The following ARHGAP6 variants were observed in gnomAD, a reference collection of about 807,000 sequenced individuals.
The protein encoded by ARHGAP6 is Rho GTPase activating protein 6.
In ARHGAP6, 16 loss-of-function variants were observed where a neutral mutation model predicts 55.7. The ratio of observed to expected loss-of-function variants is 0.29; its 90% CI spans 0.19 to 0.44. The LOEUF is 0.44. ARHGAP6 is among the 20% of genes least tolerant of loss of function. The pLI is 1.00. For synonymous variants in ARHGAP6, 382 were observed against 360.9 expected (o/e 1.06, Z -0.66); for missense variants, 698 against 808.9 (o/e 0.86, Z 1.66).
At chrX:11,327,368 C>T (rs750307003) in intron 1 of ARHGAP6, among the ~76,000 whole-genome samples, 16 of 112,611 alleles carry the variant, frequency 1.4e-4, no homozygotes, top group African/African-American at 5.1e-4. Context: ...AAAACATATT[C>T]GTCATTCACT....
intron 1 of ARHGAP6, among the ~76,000 whole-genome samples, chrX:11,378,913 T>C (rs747024811): frequency 1.8e-5 from 2 of 112,946 alleles, no homozygotes; most frequent in East Asian, 5.5e-4. Context: ...AACATGTTGA[T>C]AGACCCTTCT....
chrX:11,173,948 T>C (rs1448651891), intron 8 of ARHGAP6, among the ~76,000 whole-genome samples: 1 of 111,338 alleles, frequency 9.0e-6, no homozygotes, highest in Non-Finnish European at 1.9e-5. Flanking sequence ...TTCATCTATG[T>C]TGCAATCCCC....
At chrX:11,516,113 C>T (rs1184762922) in intron 1 of ARHGAP6, among the ~76,000 whole-genome samples, 1 of 112,548 alleles carries the variant, frequency 8.9e-6, no homozygotes, top group Non-Finnish European at 1.9e-5. Context: ...ACAAAAACAG[C>T]GATTGAGCAC....
intron 1 of ARHGAP6, among the ~76,000 whole-genome samples, chrX:11,340,599 G>T (rs1344934023): frequency 1.8e-5 from 2 of 108,182 alleles, no homozygotes; most frequent in Non-Finnish European, 3.8e-5. Context: ...CGTAGTGGCG[G>T]GCGCCTGTAG....
chrX:11,330,882 G>T (rs181609723), intron 1 of ARHGAP6, among the ~76,000 whole-genome samples: 1 of 111,740 alleles, frequency 8.9e-6, no homozygotes, highest in African/African-American at 3.2e-5. Flanking sequence ...ATGGATGTTA[G>T]AATAGTGCCT....
chrX:11,382,708 GTCTGAAACATGGGCAC>G lies in ARHGAP6; in HGVS notation c.589-128017_589-128002del, dbSNP rs200940288. Among the ~76,000 whole-genome samples, 572 of 111,749 alleles carry G rather than the reference GTCTGAAACATGGGCAC, an allele frequency of 5.1e-3. 12 individuals are homozygous for G. The highest frequency in any genetic ancestry group is 0.03 in the East Asian group (106 of 3,566). On this transcript the variant is annotated intron_variant, in intron 1 of 12. Transcript: ENST00000337414. ...GAATAAATATCACCTGCATGTCTGAGTCTGAAACATGGGCACTTGTGTTGATTAAACTGTCTCCTAA... is the reference window on the plus strand; with the variant it reads ...GAATAAATATCACCTGCATGTCTGAGTTGTGTTGATTAAACTGTCTCCTAA...
At chrX:11,165,999 C>T (rs912939763) in intron 9 of ARHGAP6, among the ~76,000 whole-genome samples, 3 of 111,980 alleles carry the variant, frequency 2.7e-5, no homozygotes, top group African/African-American at 9.7e-5. Context: ...TGATCTATTT[C>T]CAGCTCAAGG....
intron 1 of ARHGAP6, among the ~76,000 whole-genome samples, chrX:11,575,654 T>C: frequency 8.9e-6 from 1 of 112,258 alleles, no homozygotes; most frequent in Non-Finnish European, 1.9e-5. Flanking sequence ...TTGGCTACTC[T>C]TGCCTGTGTC....
intron 1 of ARHGAP6, among the ~76,000 whole-genome samples, chrX:11,418,273 G>C (rs1229731554): frequency 8.9e-6 from 1 of 112,209 alleles, no homozygotes; most frequent in East Asian, 2.8e-4. Context: ...AGGTTGAAAT[G>C]AGAGTTTTCT....
rs760321133 is a variant in ARHGAP6, at chrX:11,298,746, C to T, written c.589-44039G>A. 2.7e-5 allele frequency: 33 copies of T among 1,208,843 alleles called. No individual in the cohort carries two copies. In the South Asian group the frequency reaches 5.8e-4, roughly 21 times the overall value. On this transcript the variant is annotated intron_variant, in intron 1 of 12. Coordinates refer to ENST00000337414, the MANE Select transcript of ARHGAP6 (RefSeq NM_013427.3). Reference sequence around the variant, plus strand: ...ACACTCCATGACTCCAATCCAACACCACCAGCCAAACCTCCCTCCGCCCGC... The same window carrying T: ...ACACTCCATGACTCCAATCCAACACTACCAGCCAAACCTCCCTCCGCCCGC...
intron 1 of ARHGAP6, among the ~76,000 whole-genome samples, chrX:11,337,671 C>T (rs759329833): frequency 1.6e-4 from 18 of 112,659 alleles, no homozygotes; most frequent in Middle Eastern, 4.6e-3. Flanking sequence ...TACTCAGTCT[C>T]CACTTAAGCA....
intron 1 of ARHGAP6, among the ~76,000 whole-genome samples, chrX:11,356,247 A>T (rs2048929398): frequency 9.5e-6 from 1 of 104,982 alleles, no homozygotes; most frequent in South Asian, 4.6e-4. Context: ...GGAACATCAC[A>T]CACCGGGGCC....
At chrX:11,266,033 C>A in intron 1 of ARHGAP6, 1 of 172,123 alleles carries the variant, frequency 5.8e-6, no homozygotes, top group Non-Finnish European at 8.3e-6. Context: ...GCGTGTGTGC[C>A]TGTGTGTGTG....
intron 1 of ARHGAP6, among the ~76,000 whole-genome samples, chrX:11,651,034 A>G (rs17255615): frequency 0.14 from 15,789 of 111,896 alleles, 1,013 homozygotes; most frequent in Middle Eastern, 0.27. Context: ...ATGATATGAA[A>G]ACTGTATCTG....
intron 1 of ARHGAP6, among the ~76,000 whole-genome samples, chrX:11,623,945 A>G (rs1184099327): frequency 9.0e-6 from 1 of 111,382 alleles, no homozygotes; most frequent in Non-Finnish European, 1.9e-5. Flanking sequence ...AAAAGTATAA[A>G]TCTAGAGGCA....
chrX:11,442,809 T>A (rs2050052950), intron 1 of ARHGAP6, among the ~76,000 whole-genome samples: 1 of 111,879 alleles, frequency 8.9e-6, no homozygotes, highest in African/African-American at 3.3e-5. Flanking sequence ...ATTTATTCCA[T>A]TTGTGAATAA....
At chrX:11,660,526 CTCTCAAAAAAAAAA>C (rs1275630661) in intron 1 of ARHGAP6, among the ~76,000 whole-genome samples, 7 of 45,098 alleles carry the variant, frequency 1.6e-4, no homozygotes, top group African/African-American at 5.6e-4. Context: ...GACTCTCTCT[CTCTCAAAAAAAAAA>C]AAAAAAAAAA....
At chrX:11,292,717 G>A in intron 1 of ARHGAP6, among the ~76,000 whole-genome samples, 1 of 112,085 alleles carries the variant, frequency 8.9e-6, no homozygotes, top group East Asian at 2.8e-4. Context: ...TCCTTGCCTT[G>A]TAGTATAGAT....
intron 1 of ARHGAP6, among the ~76,000 whole-genome samples, chrX:11,655,973 G>C (rs780396181): frequency 1.4e-4 from 16 of 112,617 alleles, no homozygotes; most frequent in Non-Finnish European, 2.3e-4. Flanking sequence ...TCCTGAATGT[G>C]TCATGACATG....
Sources: allele counts gnomAD v4.1 joint callset (sites outside exome capture counted in the v4.1 genomes callset), GRCh38; gene constraint gnomAD v4.1.1; transcripts MANE v1.5; gene names NCBI Gene and HGNC (gene_info 2026-07-23, HGNC 2026-07-21).